The following UTRN variants were observed in gnomAD, a reference collection of about 807,000 sequenced individuals.
The protein encoded by UTRN is dystrophin-related protein 1.
A neutral mutation model predicts 463.9 loss-of-function variants in UTRN; 283 were observed. That is an observed-to-expected ratio of 0.61 (90% CI 0.55 to 0.67). UTRN has a LOEUF of 0.67. Ranked by LOEUF, UTRN falls within the 30% of genes least tolerant of loss-of-function variation. The pLI is 0.00. For missense variants in UTRN, 3,922 were observed against 4,084.3 expected (o/e 0.96, Z 1.08); for synonymous variants, 1,442 against 1,431.5 (o/e 1.01, Z -0.17).
chr6:144,358,200 A>T (rs1182268179), intron 2 of UTRN, among the ~76,000 whole-genome samples: 1 of 152,236 alleles, frequency 6.6e-6, no homozygotes, highest in Non-Finnish European at 1.5e-5. Flanking sequence ...TAATGTTACT[A>T]CTCCTAATAT....
intron 74 of UTRN, 33 bp downstream of exon 74, chr6:144,846,860 A>G: frequency 6.2e-7 from 1 of 1,613,674 alleles, no homozygotes; most frequent in South Asian, 1.1e-5. Context: ...GCTCTATGTT[A>G]CTGATCCCAA....
intron 2 of UTRN, among the ~76,000 whole-genome samples, chr6:144,309,933 G>A (rs527590541): frequency 6.6e-6 from 1 of 152,188 alleles, no homozygotes; most frequent in Non-Finnish European, 1.5e-5. Context: ...AGATAACCTT[G>A]TGGCTAACTC....
At chr6:144,617,708 T>C (rs954071644) in intron 51 of UTRN, among the ~76,000 whole-genome samples, 1 of 152,062 alleles carries the variant, frequency 6.6e-6, no homozygotes, top group Non-Finnish European at 1.5e-5. Context: ...GAAGGTGTTC[T>C]TTTTTTTCAG....
chr6:144,304,548 C>T (rs1208315628), intron 2 of UTRN, among the ~76,000 whole-genome samples: 1 of 152,094 alleles, frequency 6.6e-6, no homozygotes, highest in African/African-American at 2.4e-5. Context: ...ACCTGACATC[C>T]CAGGGCTTCA....
rs1787438216 is a variant in UTRN at position 144,444,190 on chromosome 6, A to G, written c.1513-91A>G. 2.8e-6 allele frequency: 3 copies of G among 1,055,412 alleles called. No homozygotes were observed. The Admixed American group carries it at 8.5e-5, about 30-fold the overall frequency. 65.4% of individuals were successfully genotyped at this position (1,055,412 alleles called of 1,614,324 possible). A position where few individuals can be genotyped will look rare whatever the true frequency, so the allele number is the denominator to read the frequency against. On this transcript the variant is annotated intron_variant, in intron 13 of 74. Transcript: ENST00000367545. ...TTTTTATAAGTTGTTATTCTATAAT[A>G]AAGAACAATGGAAATCATGAATTTC...
chr6:144,434,352 G>A (rs1786322035), intron 9 of UTRN, among the ~76,000 whole-genome samples: 1 of 151,202 alleles, frequency 6.6e-6, no homozygotes, highest in African/African-American at 2.4e-5. Context: ...GAGGGGGAGG[G>A]GGAGGGAGAG....
In UTRN at chr6:144,297,079, C is replaced by T. The variant is rs537432110; in HGVS notation, c.79+5172C>T. Among the ~76,000 whole-genome samples the T allele has an allele frequency of 1.7e-4, 25 of 150,784 alleles. 1 individual carries two copies. The highest frequency in any genetic ancestry group is 4.2e-4 in the African/African-American group (17 of 40,856). On this transcript the variant is annotated intron_variant, in intron 2 of 74. Transcript: ENST00000367545. Reference sequence around the variant, plus strand: ...TCTGACTACTGCTCAAGGCTTTTAACGAGCTGAAGTTAAAAAAAAAAAAGG... The same window carrying T: ...TCTGACTACTGCTCAAGGCTTTTAATGAGCTGAAGTTAAAAAAAAAAAAGG...
chr6:144,577,904 G>A (rs551538251), intron 51 of UTRN, among the ~76,000 whole-genome samples: 65 of 152,160 alleles, frequency 4.3e-4, no homozygotes, highest in African/African-American at 1.5e-3. Flanking sequence ...GAACCTTCCA[G>A]TTCAAAATCT....
At chr6:144,333,408 A>C (rs1584317648) in intron 2 of UTRN, 1 of 152,182 alleles carries the variant, frequency 6.6e-6, no homozygotes, top group Non-Finnish European at 1.5e-5. Context: ...TTCATATAGC[A>C]TGTCACACAC....
At chr6:144,739,830 G>A (rs984422042) in intron 54 of UTRN, among the ~76,000 whole-genome samples, 3 of 152,104 alleles carry the variant, frequency 2.0e-5, no homozygotes, top group African/African-American at 4.8e-5. Context: ...GACTTGGCCC[G>A]AGTAACATGG....
rs80252439 is a variant in UTRN at position 144,551,737 on chromosome 6, G to T, written c.6928+655G>T. 2.5e-3 allele frequency among the ~76,000 whole-genome samples: 383 copies of T among 152,314 alleles called. 13 individuals carry two copies. In the East Asian group the frequency reaches 0.059, roughly 24 times the overall value. On this transcript the variant is annotated intron_variant, in intron 48 of 74. Coordinates refer to ENST00000367545, the MANE Select transcript of UTRN (RefSeq NM_007124.3). ...TTCTCAAGAGTGACACCTAGGGATT[G>T]TCACAATCTGCTGCCACTACCCCTT...
chr6:144,426,081 A>G (rs1785270294), intron 6 of UTRN, among the ~76,000 whole-genome samples: 1 of 152,218 alleles, frequency 6.6e-6, no homozygotes, highest in South Asian at 2.1e-4. Flanking sequence ...GGTAAAAATC[A>G]CCTCAAATTC....
intron 21 of UTRN, among the ~76,000 whole-genome samples, chr6:144,459,727 A>T (rs1451579673): frequency 6.6e-6 from 1 of 152,052 alleles, no homozygotes; most frequent in African/African-American, 2.4e-5. Flanking sequence ...AGTAGCTGGG[A>T]CTACAGGCAT....
At chr6:144,838,360 C>T (rs1781276337) in intron 71 of UTRN, among the ~76,000 whole-genome samples, 1 of 151,358 alleles carries the variant, frequency 6.6e-6, no homozygotes, top group South Asian at 2.1e-4. Flanking sequence ...ATGATGAATG[C>T]TAGAAGTAGA....
intron 35 of UTRN, among the ~76,000 whole-genome samples, chr6:144,511,635 TGA>T (rs1415144914): frequency 1.3e-5 from 2 of 152,212 alleles, no homozygotes; most frequent in African/African-American, 4.8e-5. Context: ...TTGCAATGAT[TGA>T]TTATGAGCCT....
intron 56 of UTRN, among the ~76,000 whole-genome samples, chr6:144,754,365 A>G (rs1791746395): frequency 6.6e-6 from 1 of 152,152 alleles, no homozygotes. Context: ...GTTGCCACTC[A>G]CTAGCTTTAT....
At chr6:144,362,547 G>A (rs1384458060) in intron 2 of UTRN, among the ~76,000 whole-genome samples, 1 of 152,190 alleles carries the variant, frequency 6.6e-6, no homozygotes, top group Non-Finnish European at 1.5e-5. Context: ...CATTTTCTGT[G>A]TGAAAGTTCT....
intron 51 of UTRN, among the ~76,000 whole-genome samples, chr6:144,623,664 G>C (rs868807776): frequency 6.6e-6 from 1 of 152,108 alleles, no homozygotes; most frequent in Non-Finnish European, 1.5e-5. Flanking sequence ...AAGTTACAGA[G>C]ATAGAAAATG....
In UTRN at chr6:144,552,653, T is replaced by C. The variant is rs79738543; in HGVS notation, c.6928+1571T>C. Among the ~76,000 whole-genome samples the C allele has an allele frequency of 2.5e-3, 381 of 152,320 alleles. 13 individuals are homozygous for C. The East Asian group carries it at 0.059, about 24-fold the overall frequency. On this transcript the variant is annotated intron_variant, in intron 48 of 74. Transcript: ENST00000367545. ...GTGTGTAGAGGTTCTATAACCTTCA[T>C]CACTCCTCATTATATGAAAAACCCT... is the stretch of plus-strand genomic sequence containing the variant.
Sources: gnomAD v4.1 joint callset for allele counts (sites outside exome capture counted in the v4.1 genomes callset) on GRCh38, gnomAD v4.1.1 for gene constraint, MANE v1.5 for transcripts, NCBI Gene and HGNC (gene_info 2026-07-23, HGNC 2026-07-21) for gene names.